Variants in PIAS1 observed in about 807,000 individuals in gnomAD.
The protein encoded by PIAS1 is protein inhibitor of activated STAT 1.
In PIAS1, 6 loss-of-function variants were observed where a neutral mutation model predicts 71.3. The ratio of observed to expected loss-of-function variants is 0.08; its 90% CI spans 0.05 to 0.17. PIAS1 has a LOEUF of 0.17. PIAS1 is among the 10% of genes least tolerant of loss of function. The probability of loss-of-function intolerance (pLI) is 1.00; values close to 1 mark genes in which losing one functional copy is unlikely to be tolerated. For synonymous variants in PIAS1, 303 were observed against 292.9 expected, an observed-to-expected ratio of 1.03 and a Z score of -0.35; for missense variants, 555 against 793.6, an observed-to-expected ratio of 0.70 and a Z score of 3.61.
intron 2 of PIAS1, among the ~76,000 whole-genome samples, chr15:68,112,889 C>A (rs75506139): frequency 0.029 from 4,432 of 152,148 alleles, 147 homozygotes; most frequent in African/African-American, 0.081. Context: ...ATGCATCCAC[C>A]CACATACAAC....
chr15:68,139,397 A>G (rs369966171), intron 2 of PIAS1, among the ~76,000 whole-genome samples: 6 of 152,236 alleles, frequency 3.9e-5, no homozygotes, highest in African/African-American at 9.6e-5. Flanking sequence ...CTCTAGATCA[A>G]TGATCTGCAA....
chr15:68,082,485 TAGC>T (rs1420076730), intron 1 of PIAS1, among the ~76,000 whole-genome samples: 3 of 152,164 alleles, frequency 2.0e-5, no homozygotes, highest in Non-Finnish European at 4.4e-5. Context: ...GCAGATGAAT[TAGC>T]AGTAGGTACC....
chr15:68,144,528 C>A (rs573704912), intron 4 of PIAS1, among the ~76,000 whole-genome samples: 1 of 151,814 alleles, frequency 6.6e-6, no homozygotes, highest in Non-Finnish European at 1.5e-5. Flanking sequence ...TACTCTTTTC[C>A]TATAGGAAAG....
chr15:68,099,595 G>C (rs1319237615), intron 2 of PIAS1, among the ~76,000 whole-genome samples: 1 of 151,708 alleles, frequency 6.6e-6, no homozygotes, highest in African/African-American at 2.4e-5. Context: ...TGCTTGTATG[G>C]ACATAAGTTT....
chr15:68,076,215 A>T (rs766978544), intron 1 of PIAS1, among the ~76,000 whole-genome samples: 1 of 152,072 alleles, frequency 6.6e-6, no homozygotes, highest in African/African-American at 2.4e-5. Flanking sequence ...TTTTACCTTA[A>T]GATAGGGGAA....
intron 2 of PIAS1, among the ~76,000 whole-genome samples, chr15:68,138,264 A>G (rs924038749): frequency 6.6e-6 from 1 of 152,160 alleles, no homozygotes; most frequent in Non-Finnish European, 1.5e-5. Context: ...ATCAAGGCAG[A>G]GGGGAAACAA....
Position 68,156,649 on chromosome 15 carries a change from C to G in PIAS1, c.934+2954C>G, listed in dbSNP as rs143812434. 1.2e-3 allele frequency among the ~76,000 whole-genome samples: 178 copies of G among 147,846 alleles called. 3 individuals carry two copies. In the East Asian group the frequency reaches 0.033, roughly 27 times the overall value. On this transcript the variant is annotated intron_variant, in intron 7 of 13. Coordinates refer to ENST00000249636, the MANE Select transcript of PIAS1 (RefSeq NM_016166.3). ...GCTTGAACCCGGGAGGCAGAAGTTG[C>G]AGTGAGCTGAGATCGCACCACTGCA...
At chr15:68,184,186 AGGCCACATCGAGT>A (rs2093073078) in intron 13 of PIAS1, 1 of 152,262 alleles carries the variant, frequency 6.6e-6, no homozygotes, top group African/African-American at 2.4e-5. Flanking sequence ...TGCCAGTAAG[AGGCCACATCGAGT>A]GACTGACATG....
At chr15:68,158,324 T>C (rs781673297) in intron 7 of PIAS1, among the ~76,000 whole-genome samples, 35 of 152,322 alleles carry the variant, frequency 2.3e-4, no homozygotes, top group Non-Finnish European at 4.0e-4. Flanking sequence ...TGGAACTCTT[T>C]AGTCTTTCTT....
chr15:68,143,089 C>T (rs1000882978), intron 4 of PIAS1, among the ~76,000 whole-genome samples: 1 of 151,680 alleles, frequency 6.6e-6, no homozygotes, highest in Admixed American at 6.6e-5. Flanking sequence ...ATATATATAT[C>T]TCCCTTATAT....
chr15:68,079,947 C>T (rs2092211501), intron 1 of PIAS1, among the ~76,000 whole-genome samples: 1 of 152,150 alleles, frequency 6.6e-6, no homozygotes, highest in African/African-American at 2.4e-5. Context: ...ATTCTCCTGC[C>T]TCAGCCTCCC....
intron 2 of PIAS1, among the ~76,000 whole-genome samples, chr15:68,130,427 GT>G (rs1364900013): frequency 1.3e-5 from 2 of 151,538 alleles, no homozygotes; most frequent in Admixed American, 1.3e-4. Context: ...CATTCCAAAT[GT>G]TTTTTTCTAC....
Position 68,156,382 on chromosome 15 carries a change from A to G in PIAS1, c.934+2687A>G, listed in dbSNP as rs2130273. ...CAAGATGGGAACAGAGTATGCCAGGAGAAAAGGCCAGTGCAGCTGGAATAG... is the reference window on the plus strand; with the variant it reads ...CAAGATGGGAACAGAGTATGCCAGGGGAAAAGGCCAGTGCAGCTGGAATAG... On this transcript the variant is annotated intron_variant, in intron 7 of 13. Transcript: ENST00000249636. 4.8e-3 allele frequency among the ~76,000 whole-genome samples: 732 copies of G among 152,216 alleles called. 5 individuals are homozygous for G. Among genetic ancestry groups the G allele is most frequent in the African/African-American group, 0.016 (675 of 41,526 alleles).
chr15:68,125,171 T>C (rs1243098582), intron 2 of PIAS1, among the ~76,000 whole-genome samples: 2 of 152,094 alleles, frequency 1.3e-5, no homozygotes, highest in South Asian at 2.1e-4. Context: ...TTTTTCCCCC[T>C]GTGTACTTAT....
intron 11 of PIAS1, among the ~76,000 whole-genome samples, chr15:68,179,971 C>CT (rs1445413140): frequency 1.3e-5 from 2 of 152,138 alleles, no homozygotes; most frequent in Non-Finnish European, 2.9e-5. Context: ...CTCTTTATTG[C>CT]TTCCTTTCTC....
intron 6 of PIAS1, among the ~76,000 whole-genome samples, chr15:68,149,081 GTTTTGT>G (rs1420571924): frequency 6.6e-6 from 1 of 152,100 alleles, no homozygotes; most frequent in East Asian, 1.9e-4. Context: ...GGTGTGTTTT[GTTTTGT>G]TTTTGTTTTG....
intron 1 of PIAS1, among the ~76,000 whole-genome samples, chr15:68,067,434 T>A (rs970136802): frequency 0.059 from 2 of 34 alleles, no homozygotes; most frequent in African/African-American, 0.059. Flanking sequence ...TAGTTGGTTA[T>A]TTTTTTTTCT....
chr15:68,112,597 G>A (rs2092531676), intron 2 of PIAS1, among the ~76,000 whole-genome samples: 1 of 152,068 alleles, frequency 6.6e-6, no homozygotes, highest in Non-Finnish European at 1.5e-5. Context: ...CTAATAGGGT[G>A]GTTCACAATA....
chr15:68,119,116 AG>A (rs1364133607), intron 2 of PIAS1, among the ~76,000 whole-genome samples: 1 of 40 alleles, frequency 0.025, no homozygotes, highest in East Asian at 0.25. Context: ...AAAACTGGGC[AG>A]GCCGGGGCAT....
Sources: allele counts gnomAD v4.1 joint callset (sites outside exome capture counted in the v4.1 genomes callset), GRCh38; gene constraint gnomAD v4.1.1; transcripts MANE v1.5; gene names NCBI Gene and HGNC (gene_info 2026-07-23, HGNC 2026-07-21).